UGT2B17: variants seen among roughly 807,000 people sequenced by gnomAD.
The protein encoded by UGT2B17 is UDP-glucuronosyltransferase 2B17.
In UGT2B17, 21 loss-of-function variants were observed where a neutral mutation model predicts 48.2. The ratio of observed to expected loss-of-function variants is 0.44; its 90% CI spans 0.31 to 0.63. The LOEUF (loss-of-function observed/expected upper bound fraction) is 0.63. Ranked by LOEUF, UGT2B17 falls within the 20% of genes least tolerant of loss-of-function variation. The pLI, the probability that UGT2B17 is intolerant of heterozygous loss-of-function variation, is 0.08. For missense variants in UGT2B17, 402 were observed against 696.1 expected (o/e 0.58, Z 4.75); for synonymous variants, 146 against 238.4 (o/e 0.61, Z 3.57).
rs1255550204 is a variant in UGT2B17 at position 68,570,178 on chromosome 4, C to T, written c.-64-1630G>A. On this transcript the variant is annotated intron_variant, in intron 1 of 6. Coordinates refer to ENST00000317746, the MANE Select transcript of UGT2B17 (RefSeq NM_001077.4). ...GCAAGCTACTGCCTTAAAATCCAAGCTCCTCAAGTGCGCAATTTTTGTCCT... is the reference window on the plus strand; with the variant it reads ...GCAAGCTACTGCCTTAAAATCCAAGTTCCTCAAGTGCGCAATTTTTGTCCT... Among the ~76,000 whole-genome samples, 3 of 125,894 alleles carry T rather than the reference C, an allele frequency of 2.4e-5. 1 individual carries two copies. Among genetic ancestry groups the T allele is most frequent in the Admixed American group, 8.1e-5 (1 of 12,338 alleles). 82.6% of individuals were successfully genotyped at this position (125,894 alleles called of 152,430 possible).
chr4:68,554,539 T>A (rs1382192815), intron 4 of UGT2B17, among the ~76,000 whole-genome samples: 1 of 125,658 alleles, frequency 8.0e-6, no homozygotes, highest in African/African-American at 2.7e-5. Context: ...AGCTGGTGAT[T>A]TTTTTTTATC....
intron 1 of UGT2B17, among the ~76,000 whole-genome samples, chr4:68,571,921 A>T (rs1228923837): frequency 8.0e-6 from 1 of 125,512 alleles, no homozygotes; most frequent in Non-Finnish European, 1.7e-5. Context: ...TTACATTAGG[A>T]TCTAGTCCCT....
chr4:68,540,356 G>A (rs1225048660), intron 6 of UGT2B17, among the ~76,000 whole-genome samples: 2 of 126,418 alleles, frequency 1.6e-5, no homozygotes, highest in Non-Finnish European at 3.4e-5. Context: ...ATGGAGTCTC[G>A]CTCTGTCACC....
chr4:68,549,863 A>C (rs1730884431), intron 6 of UGT2B17, among the ~76,000 whole-genome samples: 2 of 125,870 alleles, frequency 1.6e-5, no homozygotes, highest in African/African-American at 5.4e-5. Flanking sequence ...TAAGTGCCAA[A>C]ATTGGAAAGA....
At chr4:68,561,007 A>C (rs1360319617) in intron 3 of UGT2B17, among the ~76,000 whole-genome samples, 2 of 123,974 alleles carry the variant, frequency 1.6e-5, no homozygotes, top group Non-Finnish European at 3.4e-5. Flanking sequence ...AACATAGGTT[A>C]TTGGAAGGTA....
In UGT2B17 at chr4:68,548,341, C is replaced by T. The variant is rs1487033941; in HGVS notation, c.1313+2336G>A. The stretch of plus-strand genomic sequence containing the variant: ...ATCGCAAGGACAAAAAACCAAACAC[C>T]GCATGTTCTCACTCATAGGTGGGAA... On this transcript the variant is annotated intron_variant, in intron 6 of 6. Coordinates refer to ENST00000317746, the MANE Select transcript of UGT2B17 (RefSeq NM_001077.4). Among the ~76,000 whole-genome samples, 22 of 125,148 alleles carry T rather than the reference C, an allele frequency of 1.8e-4. 7 individuals are homozygous for T. Among genetic ancestry groups the T allele is most frequent in the Non-Finnish European group, 2.9e-4 (17 of 59,342 alleles). The allele number at this position is 125,148 out of a possible 152,430, so 82.1% of individuals were successfully genotyped here.
rs530920364 is a variant in UGT2B17 at position 68,574,419 on chromosome 4, A to T, written c.-65+1532T>A. On this transcript the variant is annotated intron_variant, in intron 1 of 6. Transcript: ENST00000317746. ...TTGACCATAAGGTAAGATTTTATAG[A>T]CTCTGTTTAACCTTTTACAATTTTT... is the stretch of plus-strand genomic sequence containing the variant. Among the ~76,000 whole-genome samples, 2 of 126,336 alleles carry T rather than the reference A, an allele frequency of 1.6e-5. 1 individual carries two copies. The highest frequency in any genetic ancestry group is 7.0e-4 in the South Asian group (2 of 2,852). 82.9% of individuals were successfully genotyped at this position (126,336 alleles called of 152,430 possible). A position where few individuals can be genotyped will look rare whatever the true frequency, so the allele number is the denominator to read the frequency against.
chr4:68,572,322 G>A (rs1731307617), intron 1 of UGT2B17, among the ~76,000 whole-genome samples: 2 of 126,020 alleles, frequency 1.6e-5, no homozygotes, highest in African/African-American at 5.4e-5. Context: ...ACATAGAAAA[G>A]GAGCAGTCCT....
chr4:68,547,282 C>T (rs1439204897), intron 6 of UGT2B17, among the ~76,000 whole-genome samples: 2 of 125,510 alleles, frequency 1.6e-5, no homozygotes, highest in African/African-American at 5.4e-5. Flanking sequence ...ACATCTACAA[C>T]TATCTGATCT....
At position 68,557,553 on chromosome 4, in the gene UGT2B17, C is replaced by T. The variant is rs1460945971; in HGVS notation, c.1005+2984G>A. Among the ~76,000 whole-genome samples, 9 of 121,000 alleles carry T rather than the reference C, an allele frequency of 7.4e-5. 2 individuals carry two copies. The highest frequency in any genetic ancestry group is 3.8e-4 in the South Asian group (1 of 2,662). 79.4% of individuals were successfully genotyped at this position (121,000 alleles called of 152,430 possible). A position where few individuals can be genotyped will look rare whatever the true frequency, so the allele number is the denominator to read the frequency against. On this transcript the variant is annotated intron_variant, in intron 4 of 6. Coordinates refer to ENST00000317746, the MANE Select transcript of UGT2B17 (RefSeq NM_001077.4). ...GTTTTTTTTTTTAGAGTGAAGGAATCTTTCTTTTTTTGAGCTATTAACAGC... is the reference window on the plus strand; with the variant it reads ...GTTTTTTTTTTTAGAGTGAAGGAATTTTTCTTTTTTTGAGCTATTAACAGC...
intron 1 of UGT2B17, among the ~76,000 whole-genome samples, chr4:68,571,237 T>C (rs948908172): frequency 8.0e-6 from 1 of 125,718 alleles, no homozygotes; most frequent in Non-Finnish European, 1.7e-5. Context: ...ATGCTTCATT[T>C]TTTTGTTCCC....
rs746933730 is a variant in UGT2B17, at chr4:68,574,321, A to G, written c.-65+1630T>C. On this transcript the variant is annotated intron_variant, in intron 1 of 6. Transcript: ENST00000317746. ...ACCAGATAAGCTAAATTTTACTTTT[A>G]TATTAGTGTGTTATTAATATTAAAC... 3.5e-4 allele frequency among the ~76,000 whole-genome samples: 44 copies of G among 126,834 alleles called. 13 individuals carry two copies. Among genetic ancestry groups the G allele is most frequent in the Middle Eastern group, 4.0e-3 (1 of 252 alleles). 83.2% of individuals were successfully genotyped at this position (126,834 alleles called of 152,430 possible). A position where few individuals can be genotyped will look rare whatever the true frequency, so the allele number is the denominator to read the frequency against.
In UGT2B17 at chr4:68,542,336, G is replaced by A. The variant is rs1389629201; in HGVS notation, c.1314-4432C>T. On this transcript the variant is annotated intron_variant, in intron 6 of 6. Transcript: ENST00000317746. ...AGCTTTGTTCTTTTTGCTTAGGGTTGTCTTGGCTATATGGGCTCTTTTTTG... is the reference window on the plus strand; with the variant it reads ...AGCTTTGTTCTTTTTGCTTAGGGTTATCTTGGCTATATGGGCTCTTTTTTG... Among the ~76,000 whole-genome samples the A allele has an allele frequency of 1.6e-5, 2 of 126,178 alleles. 1 individual carries two copies. Among genetic ancestry groups the A allele is most frequent in the Admixed American group, 1.6e-4 (2 of 12,280 alleles). The allele number at this position is 126,178 out of a possible 152,430, so 82.8% of individuals were successfully genotyped here. A position where few individuals can be genotyped will look rare whatever the true frequency, so the allele number is the denominator to read the frequency against.
rs1490009022 is a variant in UGT2B17 at position 68,549,977 on chromosome 4, T to C, written c.1313+700A>G. On this transcript the variant is annotated intron_variant, in intron 6 of 6. Coordinates refer to ENST00000317746, the MANE Select transcript of UGT2B17 (RefSeq NM_001077.4). The stretch of plus-strand genomic sequence containing the variant: ...ATGAGTTCTGATACATCCAACAACA[T>C]AAATAAAACTAAAAATAATTATGCT... Among the ~76,000 whole-genome samples the C allele has an allele frequency of 2.4e-5, 3 of 125,526 alleles. 1 individual carries two copies. Among genetic ancestry groups the C allele is most frequent in the African/African-American group, 8.1e-5 (3 of 36,878 alleles). 82.3% of individuals were successfully genotyped at this position (125,526 alleles called of 152,430 possible). A position where few individuals can be genotyped will look rare whatever the true frequency, so the allele number is the denominator to read the frequency against.
chr4:68,545,239 G>T lies in UGT2B17; in HGVS notation c.1313+5438C>A, dbSNP rs1234608812. Among the ~76,000 whole-genome samples the T allele has an allele frequency of 5.5e-5, 7 of 126,248 alleles. 1 individual carries two copies. Among genetic ancestry groups the T allele is most frequent in the Non-Finnish European group, 1.0e-4 (6 of 59,634 alleles). The allele number at this position is 126,248 out of a possible 152,430, so 82.8% of individuals were successfully genotyped here. ...AACAAACTATCTCTCAGACCACAGTGCAATCAAACTAGAACTCAGGATTAA... is the reference window on the plus strand; with the variant it reads ...AACAAACTATCTCTCAGACCACAGTTCAATCAAACTAGAACTCAGGATTAA... On this transcript the variant is annotated intron_variant, in intron 6 of 6. Coordinates refer to ENST00000317746, the MANE Select transcript of UGT2B17 (RefSeq NM_001077.4).
intron 4 of UGT2B17, among the ~76,000 whole-genome samples, chr4:68,560,035 T>A (rs1292915495): frequency 3.0e-5 from 4 of 132,602 alleles, no homozygotes; most frequent in African/African-American, 7.8e-5. Context: ...TAAATAGACC[T>A]ATTCCAATGC....
At chr4:68,552,655 G>T (rs1730937988) in intron 4 of UGT2B17, among the ~76,000 whole-genome samples, 1 of 124,938 alleles carries the variant, frequency 8.0e-6, no homozygotes, top group Non-Finnish European at 1.7e-5. Context: ...GACTCTGAGT[G>T]GAGGTTCCCT....
Position 68,559,642 on chromosome 4 carries a change from G to T in UGT2B17, c.1005+895C>A, listed in dbSNP as rs1338622600. ...AAACTTGCATAGATCATTCAGAGAG[G>T]GCTATGCAGATAAGAAAGTAAAACG... On this transcript the variant is annotated intron_variant, in intron 4 of 6. Coordinates refer to ENST00000317746, the MANE Select transcript of UGT2B17 (RefSeq NM_001077.4). Among the ~76,000 whole-genome samples the T allele has an allele frequency of 4.0e-5, 5 of 125,858 alleles. 1 individual carries two copies. Among genetic ancestry groups the T allele is most frequent in the Admixed American group, 1.6e-4 (2 of 12,278 alleles). The allele number at this position is 125,858 out of a possible 152,430, so 82.6% of individuals were successfully genotyped here.
rs1319365719 is a variant in UGT2B17, at chr4:68,570,410, G to A, written c.-64-1862C>T. ...TTATGAGTTGATTTTTAACTACTGG[G>A]TTTAGGTCAGGCAGGCCCAGGCCTG... On this transcript the variant is annotated intron_variant, in intron 1 of 6. Coordinates refer to ENST00000317746, the MANE Select transcript of UGT2B17 (RefSeq NM_001077.4). Among the ~76,000 whole-genome samples, 14 of 126,768 alleles carry A rather than the reference G, an allele frequency of 1.1e-4. 3 individuals carry two copies. Among genetic ancestry groups the A allele is most frequent in the African/African-American group, 3.8e-4 (14 of 37,028 alleles). The allele number at this position is 126,768 out of a possible 152,430, so 83.2% of individuals were successfully genotyped here.
Sources: gnomAD v4.1 joint callset for allele counts (sites outside exome capture counted in the v4.1 genomes callset) on GRCh38, gnomAD v4.1.1 for gene constraint, MANE v1.5 for transcripts, NCBI Gene and HGNC (gene_info 2026-07-23, HGNC 2026-07-21) for gene names.